The following TTC3 variants were observed in gnomAD, a reference collection of about 807,000 sequenced individuals.
TTC3 encodes the protein E3 ubiquitin-protein ligase TTC3.
A neutral mutation model predicts 249.6 loss-of-function variants in TTC3; 180 were observed. That is an observed-to-expected ratio of 0.72 (90% CI 0.64 to 0.82). The LOEUF is 0.82. Ranked by LOEUF, TTC3 falls within the 40% of genes least tolerant of loss-of-function variation. TTC3 has a pLI of 0.00. For missense variants in TTC3, 2,061 were observed against 2,398.4 expected, an observed-to-expected ratio of 0.86 and a Z score of 2.94; for synonymous variants, 717 against 805.0, an observed-to-expected ratio of 0.89 and a Z score of 1.85.
chr21:37,200,089 T>C, intron 44 of TTC3, 143 bp from the exon 45 acceptor site: 1 of 525,462 alleles, frequency 1.9e-6, no homozygotes, highest in Non-Finnish European at 3.3e-6. Flanking sequence ...AATAAGTTGT[T>C]TCCTCAGACT....
intron 9 of TTC3, 112 bp from the exon 10 acceptor site, chr21:37,096,469 C>G (rs2073953137): frequency 4.3e-6 from 3 of 700,078 alleles, no homozygotes; most frequent in Admixed American, 6.1e-5. Context: ...TTTGCTTTGC[C>G]ACACATATGT....
rs532038754 is a variant in TTC3 at position 37,107,333 on chromosome 21, C to T, written c.846-1059C>T. Among the ~76,000 whole-genome samples, 5 of 152,126 alleles carry T rather than the reference C, an allele frequency of 3.3e-5. No homozygotes were observed. In the South Asian group the frequency reaches 1.0e-3, roughly 32 times the overall value. Reference sequence around the variant, plus strand: ...GCAAGGTTATAGTGAGAGGTGGATACCTGAATTAGTGATTGAACAGTTTGA... The same window carrying T: ...GCAAGGTTATAGTGAGAGGTGGATATCTGAATTAGTGATTGAACAGTTTGA... On this transcript the variant is annotated intron_variant, in intron 10 of 45. Coordinates refer to ENST00000355666, the Ensembl canonical transcript of TTC3.
At chr21:37,133,080 C>T (rs2835619) in intron 17 of TTC3, among the ~76,000 whole-genome samples, 81,183 of 151,922 alleles carry the variant, frequency 0.53, 22,338 homozygotes, top group African/African-American at 0.64. Context: ...TTGATAATTA[C>T]GTTAGCTAGA....
intron 20 of TTC3, among the ~76,000 whole-genome samples, chr21:37,141,560 G>T (rs562182524): frequency 1.3e-5 from 2 of 152,212 alleles, no homozygotes; most frequent in African/African-American, 4.8e-5. Flanking sequence ...TTGAGGTCAG[G>T]AGTTTGAGAC....
chr21:37,132,986 G>A (rs549676800), intron 17 of TTC3, among the ~76,000 whole-genome samples: 2 of 152,224 alleles, frequency 1.3e-5, no homozygotes, highest in East Asian at 1.9e-4. Flanking sequence ...ACAGGTGTGA[G>A]CTATTGCACT....
chr21:37,201,330 A>C, intron 45 of TTC3, 110 bp from the exon 46 acceptor site: 1 of 1,399,206 alleles, frequency 7.1e-7, no homozygotes, highest in Non-Finnish European at 1.0e-6. Context: ...TCCAGGCCCA[A>C]GAGACCAAGG....
intron 1 of TTC3, chr21:37,086,742 A>T (rs1278496546): frequency 6.3e-6 from 1 of 158,566 alleles, no homozygotes; most frequent in Non-Finnish European, 1.4e-5. Flanking sequence ...GAATATGAGC[A>T]GTTGATAGGA....
intron 12 of TTC3, 139 bp downstream of exon 12, chr21:37,122,118 G>T (rs2076632174): frequency 5.5e-6 from 4 of 731,932 alleles, no homozygotes; most frequent in Non-Finnish European, 8.1e-6. Flanking sequence ...CTTGGTCATG[G>T]CACTTGAGTT....
At chr21:37,128,915 T>C (rs73391173) in intron 15 of TTC3, 88 bp from the exon 16 acceptor site, 23,058 of 1,045,040 alleles carry the variant, frequency 0.022, 2,020 homozygotes, top group African/African-American at 0.22. Flanking sequence ...GTTTTCTTAC[T>C]CCAATTTATA....
chr21:37,088,369 T>A, intron 4 of TTC3, 23 bp downstream of exon 4: 2 of 1,596,208 alleles, frequency 1.3e-6, no homozygotes, highest in Non-Finnish European at 1.7e-6. Flanking sequence ...ATGTTGCTCA[T>A]TTTGTGTGGA....
chr21:37,079,962 T>C (rs1047982345), intron 1 of TTC3, among the ~76,000 whole-genome samples: 7 of 152,212 alleles, frequency 4.6e-5, no homozygotes, highest in African/African-American at 1.7e-4. Flanking sequence ...ATTTTTAAAA[T>C]CTTGGCAAAG....
At chr21:37,088,543 T>C (rs765204395) in intron 4 of TTC3, among the ~76,000 whole-genome samples, 197 bp downstream of exon 4, 1 of 152,214 alleles carries the variant, frequency 6.6e-6, no homozygotes, top group African/African-American at 2.4e-5. Flanking sequence ...AAATTCTGAA[T>C]AGTACTAGAT....
At position 37,104,566 on chromosome 21, in the gene TTC3, G is replaced by A. The variant is rs147467272; in HGVS notation, c.846-3826G>A. Reference sequence around the variant, plus strand: ...AGTAGCGCCATTGCGCTCCAGCCTCGGCGACGAGCAAAACTCCGTCTCAAA... The same window carrying A: ...AGTAGCGCCATTGCGCTCCAGCCTCAGCGACGAGCAAAACTCCGTCTCAAA... On this transcript the variant is annotated intron_variant, in intron 10 of 45. Coordinates refer to ENST00000355666, the Ensembl canonical transcript of TTC3. Among the ~76,000 whole-genome samples, 8 of 141,920 alleles carry A rather than the reference G, an allele frequency of 5.6e-5. No individual in the cohort carries two copies. The East Asian group carries it at 6.1e-4, about 11-fold the overall frequency. The allele number at this position is 141,920 out of a possible 152,430, so 93.1% of individuals were successfully genotyped here. A position where few individuals can be genotyped will look rare whatever the true frequency, so the allele number is the denominator to read the frequency against.
chr21:37,175,897 G>T (rs543655255), intron 35 of TTC3, among the ~76,000 whole-genome samples: 1 of 46,920 alleles, frequency 2.1e-5, no homozygotes, highest in Non-Finnish European at 4.1e-5. Context: ...AGCCTCCTGG[G>T]TAGCTGGGAT....
exon 34 of TTC3, chr21:37,167,610 A>G: frequency 6.2e-7 from 1 of 1,610,122 alleles, no homozygotes; most frequent in Non-Finnish European, 8.5e-7. Context: ...AATCCTTTTG[A>G]GGAACGACAA....
At chr21:37,144,458 T>G (rs1348067981) in intron 20 of TTC3, 67 bp from the exon 21 acceptor site, 1 of 1,526,478 alleles carries the variant, frequency 6.6e-7, no homozygotes, top group Non-Finnish European at 8.8e-7. Context: ...AGATCTTTGG[T>G]GACTTTTGAA....
intron 34 of TTC3, among the ~76,000 whole-genome samples, chr21:37,168,396 T>C (rs1372913502): frequency 6.6e-6 from 1 of 151,982 alleles, no homozygotes; most frequent in Non-Finnish European, 1.5e-5. Flanking sequence ...AATGATCAAC[T>C]GAAAACCTAC....
At chr21:37,131,608 G>A (rs2077473703) in intron 16 of TTC3, among the ~76,000 whole-genome samples, 1 of 151,998 alleles carries the variant, frequency 6.6e-6, no homozygotes, top group African/African-American at 2.4e-5. Context: ...GGGACTCATG[G>A]GAACCCTCTT....
intron 20 of TTC3, among the ~76,000 whole-genome samples, chr21:37,141,883 C>T (rs991448565): frequency 2.6e-5 from 4 of 152,180 alleles, no homozygotes; most frequent in Non-Finnish European, 5.9e-5. Flanking sequence ...TCCAGCAGCA[C>T]ATCAAAAAGC....
Sources: gnomAD v4.1 joint callset for allele counts (sites outside exome capture counted in the v4.1 genomes callset) on GRCh38, gnomAD v4.1.1 for gene constraint, MANE v1.5 for transcripts, NCBI Gene and HGNC (gene_info 2026-07-23, HGNC 2026-07-21) for gene names.